The following GINS1 variants were observed in gnomAD, a reference collection of about 807,000 sequenced individuals.
GINS1 encodes GINS complex subunit 1, also known as DNA replication complex GINS protein PSF1.
In GINS1, 26 loss-of-function variants were observed where a neutral mutation model predicts 34.9. The ratio of observed to expected loss-of-function variants is 0.74; its 90% CI spans 0.55 to 1.03. GINS1 has a LOEUF of 1.03. GINS1 is among the 50% of genes least tolerant of loss of function. The probability of loss-of-function intolerance (pLI) is 0.00; values close to 1 mark genes in which losing one functional copy is unlikely to be tolerated. For synonymous variants in GINS1, 97 were observed against 84.4 expected, an observed-to-expected ratio of 1.15 and a Z score of -0.82; for missense variants, 235 against 237.9, an observed-to-expected ratio of 0.99 and a Z score of 0.08.
chr20:25,430,625 G>C (rs555012596), intron 5 of GINS1, among the ~76,000 whole-genome samples: 6 of 152,268 alleles, frequency 3.9e-5, no homozygotes, highest in Non-Finnish European at 8.8e-5. Flanking sequence ...CTGCCTCCTG[G>C]GTTCAAGCGA....
intron 6 of GINS1, among the ~76,000 whole-genome samples, chr20:25,445,241 C>G (rs1429908119): frequency 6.6e-6 from 1 of 152,010 alleles, no homozygotes; most frequent in African/African-American, 2.4e-5. Flanking sequence ...GTTGCCCAGG[C>G]TGGAGTGCAA....
intron 5 of GINS1, 99 bp from the exon 6 acceptor site, chr20:25,441,603 G>A: frequency 1.5e-6 from 1 of 657,852 alleles, no homozygotes; most frequent in South Asian, 1.9e-5. Context: ...AACAAACAAA[G>A]TCCTTATTGT....
intron 5 of GINS1, among the ~76,000 whole-genome samples, chr20:25,428,344 T>C (rs535056417): frequency 6.6e-6 from 1 of 151,634 alleles, no homozygotes; most frequent in South Asian, 2.1e-4. Flanking sequence ...TGTTAGGTGA[T>C]GGTCCAACTT....
intron 5 of GINS1, among the ~76,000 whole-genome samples, chr20:25,437,143 C>T (rs762478674): frequency 6.6e-6 from 1 of 152,094 alleles, no homozygotes. Context: ...ATGTCTGGCT[C>T]CTGAAAGGGG....
chr20:25,415,410 GC>G lies in GINS1; in HGVS notation c.140+1557del, dbSNP rs1384080505. ...AGTCAAGATGGCTTTCCCGGGCTGG[GC>G]ACAGTGTGGCCCATGCCTGTAGTCC... is the stretch of plus-strand genomic sequence containing the variant. On this transcript the variant is annotated intron_variant, in intron 2 of 6. Coordinates refer to ENST00000262460, the MANE Select transcript of GINS1 (RefSeq NM_021067.5). Among the ~76,000 whole-genome samples, 4 of 152,224 alleles carry G rather than the reference GC, an allele frequency of 2.6e-5. No homozygotes were observed. In the South Asian group the frequency reaches 6.2e-4, roughly 24 times the overall value.
At chr20:25,428,374 A>C (rs1192492493) in intron 5 of GINS1, among the ~76,000 whole-genome samples, 2 of 141,596 alleles carry the variant, frequency 1.4e-5, no homozygotes, top group African/African-American at 5.2e-5. Context: ...GCATGTGGAA[A>C]TCTAGCTTTC....
At position 25,417,877 on chromosome 20, in the gene GINS1, GAA is replaced by G. The variant is rs530320778; in HGVS notation, c.240-226_240-225del. On this transcript the variant is annotated intron_variant, in intron 3 of 6. Transcript: ENST00000262460. ...CTCAAACAAAAAAAGGCGGGGGAAA[GAA>G]AGAAATAAGGACCTTAGGGACCTTT... is the stretch of plus-strand genomic sequence containing the variant. Among the ~76,000 whole-genome samples the G allele has an allele frequency of 6.6e-5, 10 of 152,280 alleles. No homozygotes were observed. The South Asian group carries it at 1.9e-3, about 28-fold the overall frequency.
At chr20:25,436,327 A>T (rs1041239263) in intron 5 of GINS1, among the ~76,000 whole-genome samples, 2 of 152,180 alleles carry the variant, frequency 1.3e-5, no homozygotes, top group African/African-American at 4.8e-5. Context: ...GTCTGAGATC[A>T]TCTTGTAGTT....
intron 1 of GINS1, among the ~76,000 whole-genome samples, chr20:25,411,610 C>G (rs1175265524): frequency 6.6e-6 from 1 of 151,816 alleles, no homozygotes; most frequent in Non-Finnish European, 1.5e-5. Flanking sequence ...AGCAGTGTGG[C>G]CAACATGGCG....
intron 4 of GINS1, among the ~76,000 whole-genome samples, chr20:25,421,964 T>A (rs1053797897): frequency 6.6e-6 from 1 of 152,220 alleles, no homozygotes; most frequent in African/African-American, 2.4e-5. Context: ...CAATACAAAA[T>A]ATCATTTTTT....
intron 6 of GINS1, chr20:25,443,251 G>C (rs1366503915): frequency 6.6e-6 from 1 of 152,054 alleles, no homozygotes; most frequent in Non-Finnish European, 1.5e-5. Flanking sequence ...GATTTTGAGG[G>C]TTCCCTAAAG....
At chr20:25,444,708 C>A (rs1337207086) in intron 6 of GINS1, among the ~76,000 whole-genome samples, 1 of 152,148 alleles carries the variant, frequency 6.6e-6, no homozygotes, top group African/African-American at 2.4e-5. Context: ...TCTGTAAGTC[C>A]TGGTATTTGA....
chr20:25,435,768 A>G (rs2090450952), intron 5 of GINS1, among the ~76,000 whole-genome samples: 2 of 119,004 alleles, frequency 1.7e-5, no homozygotes, highest in African/African-American at 6.5e-5. Flanking sequence ...CCGTCTCAAA[A>G]AAAAAAAAAA....
chr20:25,436,186 C>T (rs2090454144), intron 5 of GINS1, among the ~76,000 whole-genome samples: 1 of 152,054 alleles, frequency 6.6e-6, no homozygotes, highest in South Asian at 2.1e-4. Flanking sequence ...CTCTTGGCTT[C>T]AAGTGATGCT....
chr20:25,433,261 A>G (rs993087066), intron 5 of GINS1, among the ~76,000 whole-genome samples: 1 of 152,124 alleles, frequency 6.6e-6, no homozygotes, highest in Admixed American at 6.6e-5. Flanking sequence ...CTGGGGAATA[A>G]TAACTTTTTT....
chr20:25,427,555 T>C (rs778918943), intron 5 of GINS1, among the ~76,000 whole-genome samples: 14 of 152,152 alleles, frequency 9.2e-5, no homozygotes, highest in Non-Finnish European at 2.1e-4. Context: ...TCCCTAATGA[T>C]TAGTGATGTT....
intron 6 of GINS1, 111 bp from the exon 7 acceptor site, chr20:25,445,809 CTTG>C (rs1435446376): frequency 2.9e-6 from 2 of 681,400 alleles, no homozygotes; most frequent in African/African-American, 3.6e-5. Context: ...CAACTACTTA[CTTG>C]TTGGAGTTTG....
intron 4 of GINS1, among the ~76,000 whole-genome samples, chr20:25,424,797 A>T (rs1221076261): frequency 6.6e-6 from 1 of 152,224 alleles, no homozygotes; most frequent in African/African-American, 2.4e-5. Flanking sequence ...ATGGTTAAAT[A>T]ATGTTCCATC....
chr20:25,418,114 C>G lies in GINS1; in HGVS notation c.249C>G (p.Arg83=). 1.3e-6 allele frequency: 2 copies of G among 1,591,334 alleles called. No individual in the cohort carries two copies. Among genetic ancestry groups the G allele is most frequent in the Non-Finnish European group, 1.7e-6 (2 of 1,158,928 alleles). ...RRCTVAYLYD[R]LLRIRALRWE... is the part of the protein sequence containing the mutation. ...CTTCTTGATGTCCTAGGTATGACCGCTTGCTTCGGATCAGAGCACTCAGAT... is the reference window on the plus strand; with the variant it reads ...CTTCTTGATGTCCTAGGTATGACCGGTTGCTTCGGATCAGAGCACTCAGAT... The change falls in exon 4 of 7, where the codon CGC becomes CGG. Residue 83 remains arginine (R), a synonymous_variant. Coordinates refer to ENST00000262460, the MANE Select transcript of GINS1 (RefSeq NM_021067.5).
Sources: gnomAD v4.1 joint callset for allele counts (sites outside exome capture counted in the v4.1 genomes callset) on GRCh38, gnomAD v4.1.1 for gene constraint, MANE v1.5 for transcripts, NCBI Gene and HGNC (gene_info 2026-07-23, HGNC 2026-07-21) for gene names.